Variants in IRAG2 observed in about 807,000 individuals in gnomAD.
IRAG2 encodes inositol 1,4,5-triphosphate receptor associated 2.
IRAG2 carries 45 observed loss-of-function variants against 69.9 expected under a neutral mutation model. The ratio of observed to expected loss-of-function variants is 0.64; its 90% CI spans 0.51 to 0.83. The LOEUF is 0.83. Among genes scored for constraint, IRAG2 ranks in the 40% least tolerant of loss-of-function variants. The pLI is 0.00. For missense variants in IRAG2, 520 were observed against 587.0 expected (o/e 0.89, Z 1.18); for synonymous variants, 193 against 202.4 (o/e 0.95, Z 0.40).
At chr12:25,065,012 C>T (rs1378797043) in intron 4 of IRAG2, among the ~76,000 whole-genome samples, 1 of 152,002 alleles carries the variant, frequency 6.6e-6, no homozygotes, top group Non-Finnish European at 1.5e-5. Context: ...GTCACTTGAA[C>T]CCAGGAATTG....
At chr12:25,043,470 G>A (rs142264457) in intron 16 of IRAG2, among the ~76,000 whole-genome samples, 1 of 152,308 alleles carries the variant, frequency 6.6e-6, no homozygotes, top group African/African-American at 2.4e-5. Flanking sequence ...GCGCTTGCTG[G>A]AGCCCCTACT....
intron 9 of IRAG2, among the ~76,000 whole-genome samples, chr12:25,028,860 T>C (rs1944646009): frequency 6.6e-6 from 1 of 152,236 alleles, no homozygotes; most frequent in South Asian, 2.1e-4. Context: ...AGTTATAATT[T>C]AAACATCAAT....
At chr12:25,092,537 C>T (rs2140183200) in intron 14 of IRAG2, among the ~76,000 whole-genome samples, 1 of 146,324 alleles carries the variant, frequency 6.8e-6, no homozygotes, top group South Asian at 2.2e-4. Flanking sequence ...TGCACTCCAG[C>T]CTGGGTGACA....
chr12:25,099,183 A>C (rs1948601530), intron 15 of IRAG2, among the ~76,000 whole-genome samples: 1 of 152,124 alleles, frequency 6.6e-6, no homozygotes, highest in African/African-American at 2.4e-5. Context: ...TGAGCTCCAG[A>C]GCAGAGTATG....
At chr12:25,015,493 C>A in intron 5 of IRAG2, 1 of 1,015,162 alleles carries the variant, frequency 9.9e-7, no homozygotes, top group Non-Finnish European at 1.3e-6. Flanking sequence ...TTTCATAAAT[C>A]TACGTATTTC....
chr12:25,054,946 G>A (rs556977668), intron 1 of IRAG2, among the ~76,000 whole-genome samples: 15 of 152,150 alleles, frequency 9.9e-5, no homozygotes, highest in Admixed American at 3.9e-4. Context: ...CGCACATCCC[G>A]CCATGACCAC....
chr12:25,046,988 C>A (rs1198177969), intron 16 of IRAG2, among the ~76,000 whole-genome samples: 1 of 151,916 alleles, frequency 6.6e-6, no homozygotes, highest in Non-Finnish European at 1.5e-5. Flanking sequence ...ATATATAGAC[C>A]AATGAAACAG....
intron 14 of IRAG2, among the ~76,000 whole-genome samples, 182 bp downstream of exon 14, chr12:25,090,379 CAAAA>C (rs56280849): frequency 4.2e-5 from 6 of 144,012 alleles, no homozygotes; most frequent in Admixed American, 1.4e-4. Context: ...CCATCTCTAC[CAAAA>C]AAAAAAAAAA....
At chr12:25,033,666 G>C in intron 12 of IRAG2, 1 of 381,766 alleles carries the variant, frequency 2.6e-6, no homozygotes, top group Non-Finnish European at 4.6e-6. Flanking sequence ...AGACTCACCA[G>C]TCTGTGCAGC....
intron 6 of IRAG2, among the ~76,000 whole-genome samples, chr12:25,019,630 TG>T (rs1384924251): frequency 4.6e-5 from 7 of 152,254 alleles, no homozygotes; most frequent in Non-Finnish European, 8.8e-5. Context: ...GGAGTTTTTG[TG>T]GGTACAGGAT....
At chr12:25,024,124 T>A (rs1000697783) in intron 8 of IRAG2, among the ~76,000 whole-genome samples, 2 of 152,192 alleles carry the variant, frequency 1.3e-5, no homozygotes, top group Non-Finnish European at 1.5e-5. Context: ...CAATTATCCT[T>A]GGAAGAAATG....
chr12:25,021,882 T>C (rs140254299), intron 7 of IRAG2, among the ~76,000 whole-genome samples: 1 of 152,216 alleles, frequency 6.6e-6, no homozygotes, highest in African/African-American at 2.4e-5. Flanking sequence ...ACTAGATCAT[T>C]GAATGCCAGG....
At position 25,053,698 on chromosome 12, in the gene IRAG2, C is replaced by A. The variant is rs574801868; in HGVS notation, c.-447+742C>A. ...TATCAGACAATTGCTTTTGTTCAGC[C>A]AGTTTCTTGTTCTAGCAGTATAAAT... On this transcript the variant is annotated intron_variant, in intron 1 of 21. Transcript: ENST00000556887. 2.0e-5 allele frequency among the ~76,000 whole-genome samples: 3 copies of A among 151,750 alleles called. No homozygotes were observed. The East Asian group carries it at 5.8e-4, about 29-fold the overall frequency.
chr12:25,026,908 C>A, intron 9 of IRAG2: 1 of 989,820 alleles, frequency 1.0e-6, no homozygotes, highest in Non-Finnish European at 1.3e-6. Context: ...TTTTTTCTGT[C>A]AAACCAGTAT....
chr12:25,015,111 A>AAAT, intron 3 of IRAG2: 1 of 436,338 alleles, frequency 2.3e-6, no homozygotes, highest in Non-Finnish European at 3.1e-6. Context: ...AAAAAAAAAA[A>AAAT]AGACAAAACT....
intron 7 of IRAG2, among the ~76,000 whole-genome samples, chr12:25,021,582 C>CCA (rs1340657579): frequency 3.3e-5 from 5 of 152,026 alleles, no homozygotes; most frequent in African/African-American, 1.2e-4. Flanking sequence ...AAGTCAGATG[C>CCA]CAGAGAAGTG....
intron 20 of IRAG2, among the ~76,000 whole-genome samples, chr12:25,106,486 G>A (rs201202846): frequency 7.5e-4 from 69 of 91,704 alleles, no homozygotes; most frequent in African/African-American, 3.1e-3. Flanking sequence ...TGTATATATA[G>A]TATATATTTA....
intron 1 of IRAG2, among the ~76,000 whole-genome samples, chr12:25,053,503 T>A (rs1257418544): frequency 6.6e-6 from 1 of 152,120 alleles, no homozygotes. Context: ...TTTTGCATTT[T>A]AAAAATTGGA....
intron 2 of IRAG2, 97 bp downstream of exon 2, chr12:25,061,750 CATTAA>C (rs1037018201): frequency 1.1e-4 from 42 of 396,924 alleles, no homozygotes; most frequent in Admixed American, 7.1e-4. Flanking sequence ...TGACTTTAAT[CATTAA>C]ATTAAATAAC....
Sources: gnomAD v4.1 joint callset for allele counts (sites outside exome capture counted in the v4.1 genomes callset) on GRCh38, gnomAD v4.1.1 for gene constraint, MANE v1.5 for transcripts, NCBI Gene and HGNC (gene_info 2026-07-23, HGNC 2026-07-21) for gene names.